Variants in PTPRN2 observed in about 807,000 individuals in gnomAD.
The protein encoded by PTPRN2 is receptor-type tyrosine-protein phosphatase N2.
Under a neutral mutation model 118.8 loss-of-function variants are expected in PTPRN2, and 74 were observed. The observed-to-expected ratio is 0.62, with a 90% confidence interval of 0.52 to 0.76. The LOEUF is 0.76. Among genes scored for constraint, PTPRN2 ranks in the 30% least tolerant of loss-of-function variants. PTPRN2 has a pLI of 0.00. For missense variants in PTPRN2, 1,481 were observed against 1,394.4 expected (o/e 1.06, Z -0.99); for synonymous variants, 641 against 608.0 (o/e 1.05, Z -0.80).
chr7:158,316,955 GA>G, intron 2 of PTPRN2, 23 bp from the exon 3 acceptor site: 1 of 1,539,664 alleles, frequency 6.5e-7, no homozygotes, highest in South Asian at 1.1e-5. Flanking sequence ...AAGGAGATAA[GA>G]CAGAACGAGA....
At chr7:157,649,374 G>A (rs1285730571) in intron 14 of PTPRN2, among the ~76,000 whole-genome samples, 1 of 110,816 alleles carries the variant, frequency 9.0e-6, no homozygotes, top group African/African-American at 3.1e-5. Flanking sequence ...CACTGAACTC[G>A]GTGGGTCGGA....
rs550089107 is a variant in PTPRN2, at chr7:157,600,514, G to A, written c.2418+3488C>T. ...CGGCTCACTGCAACCTCTCCCTCCT[G>A]GGTTCAAATGTTTCTTCTGCCTCAG... On this transcript the variant is annotated intron_variant, in intron 16 of 22. Transcript: ENST00000389418. Among the ~76,000 whole-genome samples, 3 of 152,196 alleles carry A rather than the reference G, an allele frequency of 2.0e-5. No individual in the cohort carries two copies. The East Asian group carries it at 5.8e-4, about 29-fold the overall frequency.
At chr7:158,441,826 G>A (rs1817305767) in intron 2 of PTPRN2, among the ~76,000 whole-genome samples, 1 of 147,712 alleles carries the variant, frequency 6.8e-6, no homozygotes. Context: ...TGGTGATAGT[G>A]ATGGTCATGG....
intron 3 of PTPRN2, among the ~76,000 whole-genome samples, chr7:158,313,005 C>T (rs567184050): frequency 1.3e-5 from 2 of 150,482 alleles, no homozygotes; most frequent in Non-Finnish European, 3.0e-5. Context: ...GGTGAGTGTG[C>T]AGGTGTGTGC....
intron 1 of PTPRN2, among the ~76,000 whole-genome samples, chr7:158,560,995 C>T (rs1465803688): frequency 6.6e-6 from 1 of 152,206 alleles, no homozygotes; most frequent in Admixed American, 6.5e-5. Context: ...AAGGCCCATT[C>T]ACATGTCAGA....
At chr7:158,515,922 C>T (rs955658980) in intron 1 of PTPRN2, among the ~76,000 whole-genome samples, 3 of 152,198 alleles carry the variant, frequency 2.0e-5, no homozygotes, top group African/African-American at 7.2e-5. Context: ...CTTCATAGTC[C>T]AGTCTTTCTG....
At chr7:158,037,833 G>C (rs1177614905) in intron 11 of PTPRN2, among the ~76,000 whole-genome samples, 2 of 152,218 alleles carry the variant, frequency 1.3e-5, no homozygotes, top group Middle Eastern at 3.2e-3. Flanking sequence ...GGGGAGGGTT[G>C]CAATTCACCT....
chr7:158,401,118 T>C (rs983823515), intron 2 of PTPRN2, among the ~76,000 whole-genome samples: 1 of 152,002 alleles, frequency 6.6e-6, no homozygotes, highest in Non-Finnish European at 1.5e-5. Context: ...TGGGGCCTGA[T>C]GACGGAGGCA....
intron 11 of PTPRN2, among the ~76,000 whole-genome samples, chr7:158,000,455 G>A (rs1256186268): frequency 6.6e-6 from 1 of 151,994 alleles, no homozygotes; most frequent in African/African-American, 2.4e-5. Context: ...AAAGCACCTG[G>A]TCACCACTAA....
chr7:158,353,681 C>G (rs190086101), intron 2 of PTPRN2, among the ~76,000 whole-genome samples: 3 of 152,130 alleles, frequency 2.0e-5, no homozygotes, highest in African/African-American at 7.2e-5. Context: ...AGAAAAACCC[C>G]GAACAGACAG....
rs958564515 is a variant in PTPRN2, at chr7:158,072,490, G to A, written c.1723+8808C>T. Among the ~76,000 whole-genome samples, 5 of 152,148 alleles carry A rather than the reference G, an allele frequency of 3.3e-5. No individual in the cohort carries two copies. The South Asian group carries it at 6.2e-4, about 19-fold the overall frequency. On this transcript the variant is annotated intron_variant, in intron 11 of 22. Transcript: ENST00000389418. ...CAGGTAAGACCTGCCTGTGACAAGCGTCCCCAGCAGACAAGCTTCTGAGCA... is the reference window on the plus strand; with the variant it reads ...CAGGTAAGACCTGCCTGTGACAAGCATCCCCAGCAGACAAGCTTCTGAGCA...
chr7:157,581,843 C>T (rs1461974680), intron 17 of PTPRN2, among the ~76,000 whole-genome samples: 1 of 152,208 alleles, frequency 6.6e-6, no homozygotes, highest in South Asian at 2.1e-4. Flanking sequence ...CCCAATCCAA[C>T]GTGACTGTGT....
intron 12 of PTPRN2, among the ~76,000 whole-genome samples, chr7:157,828,777 C>T (rs1034729731): frequency 5.9e-5 from 9 of 152,160 alleles, no homozygotes; most frequent in Admixed American, 2.6e-4. Context: ...TCTGTGTTGC[C>T]GACTCCCGAA....
chr7:158,004,736 C>T (rs1164969353), intron 11 of PTPRN2, among the ~76,000 whole-genome samples: 1 of 152,210 alleles, frequency 6.6e-6, no homozygotes, highest in Non-Finnish European at 1.5e-5. Flanking sequence ...CAAACCATCT[C>T]CTTCAAGCAA....
At chr7:158,489,672 C>T (rs1563351505) in intron 2 of PTPRN2, 63 bp downstream of exon 2, 3 of 1,494,640 alleles carry the variant, frequency 2.0e-6, no homozygotes, top group South Asian at 1.2e-5. Flanking sequence ...CCAGGCTGGG[C>T]GCTGCGCACG....
chr7:158,031,651 T>C (rs1362914285), intron 11 of PTPRN2, among the ~76,000 whole-genome samples: 1 of 152,194 alleles, frequency 6.6e-6, no homozygotes, highest in African/African-American at 2.4e-5. Flanking sequence ...GCAGAGGATA[T>C]TCTCCAGGAA....
chr7:157,546,584 C>T (rs1435801912), intron 22 of PTPRN2, among the ~76,000 whole-genome samples: 1 of 152,244 alleles, frequency 6.6e-6, no homozygotes, highest in African/African-American at 2.4e-5. Context: ...CAGCCCCATC[C>T]ATGTCGCTGT....
chr7:158,154,982 G>A (rs536983819), intron 6 of PTPRN2, among the ~76,000 whole-genome samples: 1 of 152,304 alleles, frequency 6.6e-6, no homozygotes, highest in African/African-American at 2.4e-5. Flanking sequence ...GTTGAAGAAG[G>A]GCGGCAGCAC....
intron 6 of PTPRN2, among the ~76,000 whole-genome samples, chr7:158,158,437 G>T (rs1433503165): frequency 6.6e-6 from 1 of 152,038 alleles, no homozygotes; most frequent in Admixed American, 6.6e-5. Flanking sequence ...AGGCTCGAAG[G>T]AGAAGAGGAC....
Sources: allele counts gnomAD v4.1 joint callset (sites outside exome capture counted in the v4.1 genomes callset), GRCh38; gene constraint gnomAD v4.1.1; transcripts MANE v1.5; gene names NCBI Gene and HGNC (gene_info 2026-07-23, HGNC 2026-07-21).